The following KIF3C variants were observed in gnomAD, a reference collection of about 807,000 sequenced individuals.
The protein encoded by KIF3C is kinesin-like protein KIF3C.
Under a neutral mutation model 67.7 loss-of-function variants are expected in KIF3C, and 12 were observed. The ratio of observed to expected loss-of-function variants is 0.18; its 90% CI spans 0.11 to 0.29. The LOEUF is 0.29. Among genes scored for constraint, KIF3C ranks in the 10% least tolerant of loss-of-function variants. KIF3C has a pLI of 1.00. For synonymous variants in KIF3C, 393 were observed against 426.2 expected (o/e 0.92, Z 0.96); for missense variants, 789 against 1,059.6 (o/e 0.74, Z 3.55).
At chr2:25,937,360 C>T (rs1389551874) in intron 5 of KIF3C, among the ~76,000 whole-genome samples, 1 of 152,150 alleles carries the variant, frequency 6.6e-6, no homozygotes, top group African/African-American at 2.4e-5. Flanking sequence ...AGGTGCCGTA[C>T]CCCATTAGTG....
intron 1 of KIF3C, among the ~76,000 whole-genome samples, chr2:25,974,831 A>G (rs1488040345): frequency 3.3e-5 from 5 of 152,014 alleles, no homozygotes; most frequent in Non-Finnish European, 7.4e-5. Flanking sequence ...GTTTGAGACC[A>G]GCCTGACCAA....
chr2:25,960,364 T>A (rs1389337055), intron 1 of KIF3C, among the ~76,000 whole-genome samples: 1 of 152,140 alleles, frequency 6.6e-6, no homozygotes, highest in Non-Finnish European at 1.5e-5. Flanking sequence ...GGGGCATGCA[T>A]ATTATTAGCA....
At chr2:25,970,589 C>G (rs1216278727) in intron 1 of KIF3C, among the ~76,000 whole-genome samples, 2 of 149,436 alleles carry the variant, frequency 1.3e-5, no homozygotes, top group African/African-American at 4.9e-5. Flanking sequence ...ATTGGTTGAA[C>G]CCGGGAGGTG....
intron 4 of KIF3C, 102 bp from the exon 5 acceptor site, chr2:25,952,007 G>A: frequency 2.4e-6 from 2 of 830,000 alleles, no homozygotes; most frequent in Admixed American, 1.8e-5. Context: ...AAGAGGCAGA[G>A]GGGGCTGGGC....
In KIF3C at chr2:25,981,951, T is replaced by G. The variant is rs777430570; in HGVS notation, c.-34A>C. On this transcript the variant is annotated 5_prime_UTR_variant, in exon 1 of 8. Transcript: ENST00000264712. This position sits in a 1 kb window ranked among gnomAD's most constrained non-coding sequence, Gnocchi z 8.2. ...TCTGACCTTCCTGCCCCCGAGCCCC[T>G]CCGCAGCCTGGGCGGTCCTGCTATC... is the stretch of plus-strand genomic sequence containing the variant. The G allele has an allele frequency of 1.5e-5, 22 of 1,493,054 alleles. No homozygotes were observed. The highest frequency in any genetic ancestry group is 1.7e-5 in the Non-Finnish European group (19 of 1,121,938). 92.5% of individuals were successfully genotyped at this position (1,493,054 alleles called of 1,614,324 possible). A position where few individuals can be genotyped will look rare whatever the true frequency, so the allele number is the denominator to read the frequency against.
rs559785882 is a variant in KIF3C at position 25,960,660 on chromosome 2, A to G, written c.1546-4216T>C. ...TTAAATTTAAATGGAGATCCAGCTG[A>G]GCAGGATGGCTTATGCCTGTAATTG... On this transcript the variant is annotated intron_variant, in intron 1 of 7. Coordinates refer to ENST00000264712, the MANE Select transcript of KIF3C (RefSeq NM_002254.8). 2.0e-5 allele frequency among the ~76,000 whole-genome samples: 3 copies of G among 152,070 alleles called. No individual in the cohort carries two copies. In the South Asian group the frequency reaches 6.2e-4, roughly 32 times the overall value.
chr2:25,958,349 G>GGT lies in KIF3C; in HGVS notation c.1546-1907_1546-1906dup, dbSNP rs1663860710. On this transcript the variant is annotated intron_variant, in intron 1 of 7. Coordinates refer to ENST00000264712, the MANE Select transcript of KIF3C (RefSeq NM_002254.8). The surrounding 1 kb of genome is among the most constrained non-coding windows in gnomAD (Gnocchi z 4.5). ...TAATCCCAGCACTTTGGGAAGTTGA[G>GGT]GTGGGCGGATCATCTGAGGTCAGGA... Among the ~76,000 whole-genome samples, 1 of 152,186 alleles carries GGT rather than the reference G, an allele frequency of 6.6e-6. No individual in the cohort carries two copies. Among genetic ancestry groups the GGT allele is most frequent in the Non-Finnish European group, 1.5e-5 (1 of 68,040 alleles).
chr2:25,966,068 C>T (rs969007847), intron 1 of KIF3C, among the ~76,000 whole-genome samples: 1 of 151,816 alleles, frequency 6.6e-6, no homozygotes, highest in Admixed American at 6.6e-5. Context: ...GAAGTGGAGT[C>T]CTTGAAGCCT....
chr2:25,964,246 A>T (rs1271426110), intron 1 of KIF3C, among the ~76,000 whole-genome samples: 10 of 152,160 alleles, frequency 6.6e-5, no homozygotes, highest in African/African-American at 2.4e-4. Flanking sequence ...GTGAGCTGAG[A>T]TAGCACCACT....
chr2:25,947,517 C>T (rs1663478513), intron 5 of KIF3C, among the ~76,000 whole-genome samples: 1 of 150,502 alleles, frequency 6.6e-6, no homozygotes, highest in Non-Finnish European at 1.5e-5. Context: ...GGAGGTGGAG[C>T]TTGCAGTGAG....
At chr2:25,947,565 A>T (rs1376542558) in intron 5 of KIF3C, among the ~76,000 whole-genome samples, 5 of 151,958 alleles carry the variant, frequency 3.3e-5, no homozygotes, top group African/African-American at 1.2e-4. Context: ...TGGGTGACAG[A>T]GCGAGACTGC....
At chr2:25,978,526 G>A (rs1399332780) in intron 1 of KIF3C, among the ~76,000 whole-genome samples, 1 of 152,082 alleles carries the variant, frequency 6.6e-6, no homozygotes, top group Non-Finnish European at 1.5e-5. Context: ...CTAAGACTGT[G>A]ATATTTTGTG....
At position 25,972,177 on chromosome 2, in the gene KIF3C, A is replaced by G. The variant is rs189671754; in HGVS notation, c.1545+8196T>C. Among the ~76,000 whole-genome samples, 5 of 152,096 alleles carry G rather than the reference A, an allele frequency of 3.3e-5. No individual in the cohort carries two copies. In the East Asian group the frequency reaches 9.7e-4, roughly 29 times the overall value. On this transcript the variant is annotated intron_variant, in intron 1 of 7. Transcript: ENST00000264712. Reference sequence around the variant, plus strand: ...TCTTCCTAGTCTTCAGAGCACAATGAGAATATTGTCAAAGCCACTTCATCC... The same window carrying G: ...TCTTCCTAGTCTTCAGAGCACAATGGGAATATTGTCAAAGCCACTTCATCC...
intron 6 of KIF3C, 25 bp downstream of exon 6, chr2:25,929,930 T>A (rs904869528): frequency 6.5e-7 from 1 of 1,541,304 alleles, no homozygotes; most frequent in Non-Finnish European, 9.0e-7. Flanking sequence ...TCCCGTAGGC[T>A]CTTTCTCCCC....
At position 25,938,868 on chromosome 2, in the gene KIF3C, T is replaced by G. The variant is rs369986483; in HGVS notation, c.2007-8805A>C. On this transcript the variant is annotated intron_variant, in intron 5 of 7. Transcript: ENST00000264712. ...TTCTCCTAGGACCCTCCCTCCGTAA[T>G]TGGCTACTATCATTTTTTCCCCTTT... 2.6e-5 allele frequency among the ~76,000 whole-genome samples: 4 copies of G among 152,226 alleles called. No individual in the cohort carries two copies. The East Asian group carries it at 7.7e-4, about 29-fold the overall frequency.
chr2:25,929,287 G>T lies in KIF3C; in HGVS notation c.2288+18C>A. 6.2e-7 allele frequency: 1 copy of T among 1,610,858 alleles called. No homozygotes were observed. The highest frequency in any genetic ancestry group is 1.3e-5 in the African/African-American group (1 of 74,978). ...GCCTCCTGGGTCCAGTGCTGCCTGG[G>T]ACCATGGAGGTACTGACCAGGATCT... On this transcript the variant is annotated intron_variant, in intron 7 of 7. Transcript: ENST00000264712.
chr2:25,967,750 C>T (rs1195373012), intron 1 of KIF3C, among the ~76,000 whole-genome samples: 1 of 152,098 alleles, frequency 6.6e-6, no homozygotes, highest in African/African-American at 2.4e-5. Context: ...TCCTTGAGCC[C>T]GGGAGGTGGA....
chr2:25,962,855 A>AAT, intron 1 of KIF3C, among the ~76,000 whole-genome samples: 1 of 75,446 alleles, frequency 1.3e-5, no homozygotes, highest in Admixed American at 2.4e-4. Flanking sequence ...TATATAATAT[A>AAT]ATATATAATA....
chr2:25,961,912 C>A (rs571434014), intron 1 of KIF3C, among the ~76,000 whole-genome samples: 2 of 147,008 alleles, frequency 1.4e-5, no homozygotes, highest in Admixed American at 1.4e-4. Flanking sequence ...CGTGCCACTG[C>A]ACTCCTGCCT....
Sources: allele counts gnomAD v4.1 joint callset (sites outside exome capture counted in the v4.1 genomes callset), GRCh38; gene constraint gnomAD v4.1.1; non-coding constraint Gnocchi (gnomAD v3.1); transcripts MANE v1.5; gene names NCBI Gene and HGNC (gene_info 2026-07-23, HGNC 2026-07-21).